Variants in GTPBP1 observed in about 807,000 individuals in gnomAD.
The protein encoded by GTPBP1 is GTP binding protein 1.
Under a neutral mutation model 62.0 loss-of-function variants are expected in GTPBP1, and 23 were observed. The observed-to-expected ratio is 0.37, with a 90% CI of 0.27 to 0.53. The LOEUF (loss-of-function observed/expected upper bound fraction) is 0.53, where lower values mean the gene tolerates loss of function less well. GTPBP1 is among the 20% of genes least tolerant of loss of function. The pLI is 0.89. For synonymous variants in GTPBP1, 344 were observed against 364.4 expected (o/e 0.94, Z 0.64); for missense variants, 640 against 917.3 (o/e 0.70, Z 3.90).
chr22:38,730,411 G>A lies in GTPBP1; in HGVS notation c.1918-201G>A, dbSNP rs1198605852. ...CTACCCACCCTGTAAGGAAGGCAGG[G>A]CAGGCACTGGCTCCATTTTAGAGAC... On this transcript the variant is annotated intron_variant, in intron 11 of 11. Coordinates refer to ENST00000216044, the MANE Select transcript of GTPBP1 (RefSeq NM_004286.5). This position sits in a 1 kb window ranked among gnomAD's most constrained non-coding sequence, Gnocchi z 5.6. Among the ~76,000 whole-genome samples, 2 of 152,166 alleles carry A rather than the reference G, an allele frequency of 1.3e-5. No individual in the cohort carries two copies. The highest frequency in any genetic ancestry group is 2.9e-5 in the Non-Finnish European group (2 of 68,028).
At chr22:38,738,148 C>A (rs1273324793), downstream of GTPBP1, 1 of 1,609,752 alleles carries the variant, frequency 6.2e-7, no homozygotes, top group Non-Finnish European at 8.5e-7. This position sits in a 1 kb window ranked among gnomAD's most constrained non-coding sequence, Gnocchi z 6.6. Context: ...TGCGCCACTT[C>A]TGCTAGCACA....
downstream of GTPBP1, chr22:38,742,851 G>A: frequency 2.8e-6 from 1 of 355,744 alleles, no homozygotes; most frequent in South Asian, 3.6e-5. Context: ...AGGTCTGAGT[G>A]CAGGGATGGT....
downstream of GTPBP1, chr22:38,737,985 C>T (rs1417146636): frequency 1.4e-6 from 1 of 714,402 alleles, no homozygotes; most frequent in South Asian, 1.5e-5. The surrounding 1 kb of genome is among the most constrained non-coding windows in gnomAD (Gnocchi z 4.1). Flanking sequence ...TGGAAGGTGC[C>T]TTCCCCTGTG....
Position 38,731,839 on chromosome 22 carries a change from A to C in GTPBP1, c.*1135A>C, listed in dbSNP as rs931384948. The C allele has an allele frequency of 4.6e-5, 7 of 152,282 alleles. No individual in the cohort carries two copies. The highest frequency in any genetic ancestry group is 1.7e-4 in the African/African-American group (7 of 41,430). 9.4% of individuals were successfully genotyped at this position (152,282 alleles called of 1,614,324 possible). A position where few individuals can be genotyped will look rare whatever the true frequency, so the allele number is the denominator to read the frequency against. On this transcript the variant is annotated 3_prime_UTR_variant, in exon 12 of 12. Transcript: ENST00000216044. The stretch of plus-strand genomic sequence containing the variant: ...CTGAGCTCCAGGTTTGAAAGACCCA[A>C]CTGGAGCGTGGGGCGGGCAGGCAGG...
chr22:38,738,752 T>C, downstream of GTPBP1: 2 of 1,613,088 alleles, frequency 1.2e-6, no homozygotes, highest in Non-Finnish European at 1.7e-6. This position sits in a 1 kb window ranked among gnomAD's most constrained non-coding sequence, Gnocchi z 6.6. Context: ...GGTGCACATC[T>C]GGCTGGAGGA....
At chr22:38,724,642 T>C (rs2092717609) in intron 6 of GTPBP1, among the ~76,000 whole-genome samples, 2 of 152,154 alleles carry the variant, frequency 1.3e-5, no homozygotes, top group African/African-American at 4.8e-5. Context: ...GATTGTGAGG[T>C]GCTGGCATTC....
chr22:38,741,541 GA>G (rs2092858003), downstream of GTPBP1: 1 of 1,613,982 alleles, frequency 6.2e-7, no homozygotes, highest in African/African-American at 1.3e-5. Context: ...GAGTCTTGCT[GA>G]TGCTCTGCTC....
At chr22:38,740,921 C>T, downstream of GTPBP1, 1 of 1,384,794 alleles carries the variant, frequency 7.2e-7, no homozygotes, top group Non-Finnish European at 1.0e-6. The surrounding 1 kb of genome is among the most constrained non-coding windows in gnomAD (Gnocchi z 4.8). Flanking sequence ...GAACTCTCTG[C>T]TCTGCGGCTC....
intron 10 of GTPBP1, 68 bp from the exon 11 acceptor site, chr22:38,729,394 G>T (rs917359004): frequency 1.3e-5 from 15 of 1,165,918 alleles, no homozygotes; most frequent in East Asian, 2.7e-5. Flanking sequence ...GGCTGAGGGT[G>T]GGGGGTAGCC....
chr22:38,740,307 ACTT>A, downstream of GTPBP1: 2 of 1,604,040 alleles, frequency 1.2e-6, no homozygotes, highest in Non-Finnish European at 1.7e-6. The surrounding 1 kb of genome is among the most constrained non-coding windows in gnomAD (Gnocchi z 4.8). Context: ...CAGCAGGCCC[ACTT>A]CTTCCGCCAC....
At chr22:38,712,125 C>T (rs1434579192) in intron 2 of GTPBP1, among the ~76,000 whole-genome samples, 1 of 152,082 alleles carries the variant, frequency 6.6e-6, no homozygotes, top group African/African-American at 2.4e-5. Context: ...AGGTGATCCC[C>T]CTGAGCCTCA....
In GTPBP1 at chr22:38,726,979, G is replaced by T. The variant is rs112556727; in HGVS notation, c.1402-234G>T. 9.0e-3 allele frequency among the ~76,000 whole-genome samples: 1,376 copies of T among 152,282 alleles called. 23 individuals carry two copies. Among genetic ancestry groups the T allele is most frequent in the African/African-American group, 0.032 (1,336 of 41,540 alleles). On this transcript the variant is annotated intron_variant, in intron 8 of 11. Transcript: ENST00000216044. This position sits in a 1 kb window ranked among gnomAD's most constrained non-coding sequence, Gnocchi z 4.1. ...CGTCCTTCATGGCCGAGCAGCTGAA[G>T]TGCTGATTCCCGCATGAAGCCTTCC...
chr22:38,735,227 CA>C (rs534313035), downstream of GTPBP1: 19 of 456,082 alleles, frequency 4.2e-5, no homozygotes, highest in East Asian at 1.2e-3. Context: ...CCACAGAGAA[CA>C]AACCAGAAGG....
chr22:38,738,471 T>TC (rs1328236614), downstream of GTPBP1: 1 of 1,420,566 alleles, frequency 7.0e-7, no homozygotes, highest in African/African-American at 1.4e-5. This position sits in a 1 kb window ranked among gnomAD's most constrained non-coding sequence, Gnocchi z 6.6. Flanking sequence ...CTCCTCCTCT[T>TC]CCAAATCCAC....
chr22:38,729,812 A>G (rs1017053600), intron 11 of GTPBP1, 150 bp downstream of exon 11: 6 of 503,088 alleles, frequency 1.2e-5, no homozygotes, highest in Admixed American at 4.0e-5. Context: ...AGAATGAGGC[A>G]TTTGTCTCTA....
At chr22:38,742,678 A>G, downstream of GTPBP1, 2 of 1,299,592 alleles carry the variant, frequency 1.5e-6, no homozygotes, top group Non-Finnish European at 2.1e-6. Context: ...TTCCAGCATA[A>G]GGCCATGCAG....
intron 10 of GTPBP1, chr22:38,728,956 C>CACAGG (rs2092741254): frequency 6.5e-6 from 1 of 153,048 alleles, no homozygotes; most frequent in South Asian, 2.1e-4. Context: ...TTCACTTGGT[C>CACAGG]TCTTCGGGAG....
In GTPBP1 at chr22:38,724,295, A is replaced by G; in HGVS notation, c.959-2A>G. The G allele has an allele frequency of 6.3e-7, 1 of 1,595,366 alleles. No individual in the cohort carries two copies. The highest frequency in any genetic ancestry group is 8.6e-7 in the Non-Finnish European group (1 of 1,162,938). ...TAATTCTGTTCCATTGCACCCTTTAAGAAACCCTGAAGCTGTTACAGCGCC... is the reference window on the plus strand; with the variant it reads ...TAATTCTGTTCCATTGCACCCTTTAGGAAACCCTGAAGCTGTTACAGCGCC... On this transcript the variant is annotated splice_acceptor_variant, in intron 5 of 11. Coordinates refer to ENST00000216044, the MANE Select transcript of GTPBP1 (RefSeq NM_004286.5). LOFTEE classifies it high-confidence loss of function.
downstream of GTPBP1, chr22:38,740,263 T>C: frequency 6.4e-7 from 1 of 1,567,008 alleles, no homozygotes. This position sits in a 1 kb window ranked among gnomAD's most constrained non-coding sequence, Gnocchi z 4.8. Context: ...TGGTTCCCAC[T>C]CACGTCGTCC....
Sources: allele counts gnomAD v4.1 joint callset (sites outside exome capture counted in the v4.1 genomes callset), GRCh38; gene constraint gnomAD v4.1.1; non-coding constraint Gnocchi (gnomAD v3.1); transcripts MANE v1.5; gene names NCBI Gene and HGNC (gene_info 2026-07-23, HGNC 2026-07-21).